RBM33: variants seen among roughly 807,000 people sequenced by gnomAD.
RBM33 encodes RNA binding motif protein 33, also known as RNA-binding protein 33.
A neutral mutation model predicts 132.6 loss-of-function variants in RBM33; 28 were observed. The ratio of observed to expected loss-of-function variants is 0.21; its 90% CI spans 0.16 to 0.29. The LOEUF (loss-of-function observed/expected upper bound fraction) is 0.29. Among genes scored for constraint, RBM33 ranks in the 10% least tolerant of loss-of-function variants. The pLI is 1.00. For missense variants in RBM33, 1,291 were observed against 1,518.5 expected (o/e 0.85, Z 2.49); for synonymous variants, 634 against 593.0 (o/e 1.07, Z -1.01).
chr7:155,776,537 G>T lies in RBM33; in HGVS notation c.*1496G>T, dbSNP rs1014963131. 2 of 152,228 alleles carry T rather than the reference G, an allele frequency of 1.3e-5. No individual in the cohort carries two copies. Among genetic ancestry groups the T allele is most frequent in the Non-Finnish European group, 2.9e-5 (2 of 68,036 alleles). 9.4% of individuals were successfully genotyped at this position (152,228 alleles called of 1,614,324 possible). A position where few individuals can be genotyped will look rare whatever the true frequency, so the allele number is the denominator to read the frequency against. ...AAAACAAACTGAAGAGCTGAAGCAGGTCTTCCAGACCCTGCGATCCTTTCT... is the reference window on the plus strand; with the variant it reads ...AAAACAAACTGAAGAGCTGAAGCAGTTCTTCCAGACCCTGCGATCCTTTCT... On this transcript the variant is annotated 3_prime_UTR_variant, in exon 18 of 18. Transcript: ENST00000401878. The surrounding 1 kb of genome is among the most constrained non-coding windows in gnomAD (Gnocchi z 4.0).
At chr7:155,717,543 G>C (rs942118170) in intron 8 of RBM33, among the ~76,000 whole-genome samples, 1 of 144,620 alleles carries the variant, frequency 6.9e-6, no homozygotes, top group Non-Finnish European at 1.5e-5. Flanking sequence ...GTGGGGGCGG[G>C]GGGAGGGAGT....
chr7:155,750,203 T>A (rs867931692), intron 14 of RBM33, among the ~76,000 whole-genome samples: 17 of 152,348 alleles, frequency 1.1e-4, no homozygotes, highest in African/African-American at 3.8e-4. Context: ...TATAGAAATA[T>A]TCTCCATTTG....
chr7:155,645,064 C>T (rs1798141421), intron 1 of RBM33, 145 bp downstream of exon 1: 1 of 548,606 alleles, frequency 1.8e-6, no homozygotes, highest in South Asian at 2.4e-5. Flanking sequence ...TTTTCTCCCT[C>T]GCCTTCCCTC....
At chr7:155,676,271 G>T (rs1799182146) in intron 3 of RBM33, among the ~76,000 whole-genome samples, 1 of 152,198 alleles carries the variant, frequency 6.6e-6, no homozygotes, top group Non-Finnish European at 1.5e-5. Flanking sequence ...TCAAACTGAG[G>T]TTAAAGCAGG....
At position 155,666,152 on chromosome 7, in the gene RBM33, G is replaced by A. The variant is rs775929147; in HGVS notation, c.122+899G>A. ...GATTCATTATGAAGGACTGGCTCACGTGATTATGGAGACTGAGAAGTTACA... is the reference window on the plus strand; with the variant it reads ...GATTCATTATGAAGGACTGGCTCACATGATTATGGAGACTGAGAAGTTACA... On this transcript the variant is annotated intron_variant, in intron 2 of 17. Coordinates refer to ENST00000401878, the MANE Select transcript of RBM33 (RefSeq NM_053043.3). 9.2e-5 allele frequency among the ~76,000 whole-genome samples: 14 copies of A among 152,300 alleles called. No homozygotes were observed. The Middle Eastern group carries it at 0.01, about 111-fold the overall frequency.
intron 5 of RBM33, among the ~76,000 whole-genome samples, chr7:155,689,804 A>G (rs200308385): frequency 4.6e-5 from 7 of 152,072 alleles, no homozygotes; most frequent in Non-Finnish European, 7.4e-5. Context: ...TCTTAATCCT[A>G]AGTTCTAGTT....
chr7:155,689,488 T>A (rs1585440923), intron 5 of RBM33, among the ~76,000 whole-genome samples: 1 of 152,340 alleles, frequency 6.6e-6, no homozygotes, highest in African/African-American at 2.4e-5. Context: ...TCTGCTCTGA[T>A]CTTAGTTATT....
At chr7:155,770,298 G>A (rs1238389665) in intron 16 of RBM33, among the ~76,000 whole-genome samples, 1 of 152,242 alleles carries the variant, frequency 6.6e-6, no homozygotes, top group Non-Finnish European at 1.5e-5. Flanking sequence ...GCCCACCGCT[G>A]GAATCGTGTG....
intron 9 of RBM33, among the ~76,000 whole-genome samples, chr7:155,721,630 A>G (rs1012208689): frequency 1.3e-5 from 2 of 150,054 alleles, no homozygotes; most frequent in African/African-American, 5.0e-5. Context: ...TAGAACTAGT[A>G]TGTCCAGAAA....
intron 5 of RBM33, among the ~76,000 whole-genome samples, chr7:155,689,466 A>G (rs948019490): frequency 1.3e-4 from 20 of 149,794 alleles, no homozygotes; most frequent in African/African-American, 3.4e-4. Flanking sequence ...TTGTATCTCT[A>G]TCTCCTTCAG....
At chr7:155,723,685 T>C (rs1800690773) in intron 9 of RBM33, among the ~76,000 whole-genome samples, 1 of 152,208 alleles carries the variant, frequency 6.6e-6, no homozygotes, top group African/African-American at 2.4e-5. Flanking sequence ...ATGTGTTGGA[T>C]AGAGATAGGG....
chr7:155,678,897 C>T (rs1392152846), intron 4 of RBM33, among the ~76,000 whole-genome samples: 1 of 152,162 alleles, frequency 6.6e-6, no homozygotes, highest in African/African-American at 2.4e-5. Context: ...CTTGGCCAGG[C>T]GTTGTAGCTC....
chr7:155,763,266 T>C (rs563936096), intron 14 of RBM33, among the ~76,000 whole-genome samples: 1 of 152,310 alleles, frequency 6.6e-6, no homozygotes, highest in South Asian at 2.1e-4. Context: ...GAGCACTGCA[T>C]TGGAGAGGTC....
intron 9 of RBM33, among the ~76,000 whole-genome samples, chr7:155,733,315 G>A (rs1043119605): frequency 1.3e-5 from 2 of 152,082 alleles, no homozygotes; most frequent in African/African-American, 4.8e-5. Context: ...TTATTATATG[G>A]GTTGAAACTC....
rs73734720 is a variant in RBM33 at position 155,749,773 on chromosome 7, C to A, written c.2979+4171C>A. ...GCGAGTGGCTGGGGTTCCATCATCCCGGTTCCAGAACCTGGGCTGCTGGCC... is the reference window on the plus strand; with the variant it reads ...GCGAGTGGCTGGGGTTCCATCATCCAGGTTCCAGAACCTGGGCTGCTGGCC... On this transcript the variant is annotated intron_variant, in intron 14 of 17. Transcript: ENST00000401878. Among the ~76,000 whole-genome samples, 389 of 152,306 alleles carry A rather than the reference C, an allele frequency of 2.6e-3. 1 individual carries two copies. Among genetic ancestry groups the A allele is most frequent in the African/African-American group, 9.1e-3 (380 of 41,560 alleles).
Position 155,774,188 on chromosome 7 carries a change from G to A in RBM33, c.3376-371G>A, listed in dbSNP as rs1706744755. ...GTCCTGTTCTTAAAAAATTCATGGG[G>A]GTCCCTATTAAAAATCACCTGATAA... On this transcript the variant is annotated intron_variant, in intron 16 of 17. Coordinates refer to ENST00000401878, the MANE Select transcript of RBM33 (RefSeq NM_053043.3). This position sits in a 1 kb window ranked among gnomAD's most constrained non-coding sequence, Gnocchi z 4.2. Among the ~76,000 whole-genome samples the A allele has an allele frequency of 2.0e-5, 3 of 152,216 alleles. No homozygotes were observed. The highest frequency in any genetic ancestry group is 3.9e-4 in the East Asian group (2 of 5,174).
intron 6 of RBM33, among the ~76,000 whole-genome samples, chr7:155,703,004 C>T (rs975543369): frequency 1.3e-5 from 2 of 152,084 alleles, no homozygotes; most frequent in Non-Finnish European, 2.9e-5. Flanking sequence ...CTCTTCTGTA[C>T]CACCCTGCCC....
At chr7:155,742,969 A>G (rs1385749756) in intron 13 of RBM33, among the ~76,000 whole-genome samples, 1 of 152,240 alleles carries the variant, frequency 6.6e-6, no homozygotes, top group Non-Finnish European at 1.5e-5. Flanking sequence ...GTCATGAAGA[A>G]TGGCTTTAGA....
intron 8 of RBM33, among the ~76,000 whole-genome samples, chr7:155,713,350 C>T (rs1224524601): frequency 6.6e-6 from 1 of 151,928 alleles, no homozygotes; most frequent in Non-Finnish European, 1.5e-5. Flanking sequence ...CAAATGAGAG[C>T]CCTGGAGGAG....
Sources: gnomAD v4.1 joint callset for allele counts (sites outside exome capture counted in the v4.1 genomes callset) on GRCh38, gnomAD v4.1.1 for gene constraint, Gnocchi (gnomAD v3.1) non-coding constraint, MANE v1.5 for transcripts, NCBI Gene and HGNC (gene_info 2026-07-23, HGNC 2026-07-21) for gene names.